Variants in ATP5PO observed in about 807,000 individuals in gnomAD.
ATP5PO encodes the protein ATP synthase peripheral stalk subunit OSCP.
In ATP5PO, 14 loss-of-function variants were observed where a neutral mutation model predicts 26.2. The observed-to-expected ratio is 0.53, with a 90% CI of 0.35 to 0.83. ATP5PO has a LOEUF of 0.83. Among genes scored for constraint, ATP5PO ranks in the 40% least tolerant of loss-of-function variants. The probability of loss-of-function intolerance (pLI) is 0.01; values close to 1 mark genes in which losing one functional copy is unlikely to be tolerated. For missense variants in ATP5PO, 241 were observed against 258.5 expected (o/e 0.93, Z 0.46); for synonymous variants, 106 against 95.1 (o/e 1.12, Z -0.67).
chr21:33,915,699 A>C, intron 1 of ATP5PO, 29 bp downstream of exon 1: 4 of 1,562,756 alleles, frequency 2.6e-6, no homozygotes, highest in Non-Finnish European at 2.6e-6. Flanking sequence ...GGATCCTCCC[A>C]CTGGCTCTCA....
intron 1 of ATP5PO, chr21:33,915,434 G>A (rs146211867): frequency 2.0e-4 from 94 of 481,400 alleles, no homozygotes; most frequent in African/African-American, 1.7e-3. Flanking sequence ...CCCTTCCCCG[G>A]AATTCAGCGA....
At chr21:33,915,438 T>C (rs1251661058) in intron 1 of ATP5PO, 2 of 484,466 alleles carry the variant, frequency 4.1e-6, no homozygotes, top group Non-Finnish European at 7.2e-6. Flanking sequence ...TCCCCGGAAT[T>C]CAGCGAAGGG....
chr21:33,914,649 T>C, intron 1 of ATP5PO, 149 bp from the exon 2 acceptor site: 1 of 668,334 alleles, frequency 1.5e-6, no homozygotes, highest in Non-Finnish European at 2.5e-6. Flanking sequence ...GTGAGCTACT[T>C]ACTATTACTA....
rs770154215 is a variant in ATP5PO, at chr21:33,903,543, T to G, written c.625A>C (p.Met209Leu). ...CAACACTTTTAGACAATCTCCCGCA[T>G]AGCCCTGCCCAGCTTCTGAATCTTG... is the stretch of plus-strand genomic sequence containing the variant. Reference protein sequence around the residue: ...KTKIQKLGRAMREIV With the variant: ...KTKIQKLGRALREIV The change falls in exon 7 of 7, where the codon ATG (methionine) becomes CTG (leucine). Residue 209 changes from methionine (M) to leucine (L), a missense_variant. Transcript: ENST00000290299. 3.1e-6 allele frequency: 5 copies of G among 1,613,674 alleles called. No homozygotes were observed. In the East Asian group the frequency reaches 1.1e-4, roughly 36 times the overall value.
chr21:33,904,259 C>T (rs1295156540), intron 5 of ATP5PO, among the ~76,000 whole-genome samples: 5 of 152,204 alleles, frequency 3.3e-5, no homozygotes, highest in African/African-American at 9.7e-5. Context: ...CGTTCAAGGA[C>T]GGCCTGTAAA....
At chr21:33,909,928 T>G (rs1395910603) in intron 3 of ATP5PO, among the ~76,000 whole-genome samples, 1 of 152,174 alleles carries the variant, frequency 6.6e-6, no homozygotes, top group Non-Finnish European at 1.5e-5. Flanking sequence ...ACCGCTCCCT[T>G]GGAGGGGCCC....
intron 3 of ATP5PO, among the ~76,000 whole-genome samples, chr21:33,910,483 T>C (rs1337915791): frequency 6.6e-6 from 1 of 152,180 alleles, no homozygotes; most frequent in African/African-American, 2.4e-5. Flanking sequence ...CCTGCTAATA[T>C]TCAGTGTCTT....
intron 1 of ATP5PO, 25 bp from the exon 2 acceptor site, chr21:33,914,525 A>G: frequency 6.2e-7 from 1 of 1,603,098 alleles, no homozygotes; most frequent in Non-Finnish European, 8.5e-7. Context: ...AGGAAAATAG[A>G]TCAAACAAAA....
At chr21:33,907,199 G>C (rs1987184477) in intron 5 of ATP5PO, 142 bp downstream of exon 5, 2 of 697,864 alleles carry the variant, frequency 2.9e-6, no homozygotes, top group Non-Finnish European at 4.8e-6. Flanking sequence ...CACAGAAGCT[G>C]ATATAAAAAT....
chr21:33,915,640 G>T, intron 1 of ATP5PO, 88 bp downstream of exon 1: 2 of 1,515,230 alleles, frequency 1.3e-6, no homozygotes, highest in Non-Finnish European at 1.8e-6. Context: ...TTCCCCAGCC[G>T]AAGCATCGCA....
intron 5 of ATP5PO, chr21:33,906,486 A>G: frequency 2.9e-6 from 1 of 340,418 alleles, no homozygotes; most frequent in Non-Finnish European, 5.8e-6. Context: ...ATCTCCCTGC[A>G]TTCGGTTTCC....
intron 4 of ATP5PO, 43 bp from the exon 5 acceptor site, chr21:33,907,496 A>G: frequency 6.5e-7 from 1 of 1,533,190 alleles, no homozygotes; most frequent in Non-Finnish European, 9.0e-7. Flanking sequence ...ACTCACCTGA[A>G]CAAGTTATTC....
At chr21:33,904,080 A>G (rs1354721704) in intron 5 of ATP5PO, 59 bp from the exon 6 acceptor site, 19 of 1,458,544 alleles carry the variant, frequency 1.3e-5, no homozygotes, top group Non-Finnish European at 1.7e-5. Flanking sequence ...TTCCAGAGTT[A>G]AAATACCCCA....
chr21:33,907,350 G>A lies in ATP5PO; in HGVS notation c.432C>T (p.Thr144=). 1 of 1,612,630 alleles carries A rather than the reference G, an allele frequency of 6.2e-7. No homozygotes were observed. The highest frequency in any genetic ancestry group is 8.5e-7 in the Non-Finnish European group (1 of 1,178,684). The change falls in exon 5 of 7, where the codon ACC becomes ACT. Residue 144 remains threonine, a synonymous_variant. Coordinates refer to ENST00000290299, the MANE Select transcript of ATP5PO (RefSeq NM_001697.3). The part of the protein sequence containing the change: ...VHRGEVPCTV[T]SASPLEEATL... ...ACAACCCGTTACTTACAGATGCAGA[G>A]GTCACTGTGCAAGGTACCTCTCCGC...
At position 33,912,399 on chromosome 21, in the gene ATP5PO, G is replaced by A; in HGVS notation, c.88C>T (p.Pro30Ser). 1.2e-6 allele frequency: 2 copies of A among 1,601,712 alleles called. No homozygotes were observed. The highest frequency in any genetic ancestry group is 1.1e-5 in the South Asian group (1 of 89,034). ...TCAATACCGTATACCTGAACAGGAG[G>A]CTTTAAAAAAAAGGTGAAATAGGAG... is the stretch of plus-strand genomic sequence containing the variant. ...VVRPFAKLVR[P>S]PVQVYGIEGR... The change falls in exon 3 of 7, where the codon CCT becomes TCT. Residue 30 changes from proline to serine, a missense_variant and splice_region_variant. This residue lies in a region of ATP5PO where 125 missense variants were observed against 108.5 expected (regional missense o/e 1.15). Coordinates refer to ENST00000290299, the MANE Select transcript of ATP5PO (RefSeq NM_001697.3).
At chr21:33,909,919 C>G (rs1987226571) in intron 3 of ATP5PO, among the ~76,000 whole-genome samples, 1 of 152,212 alleles carries the variant, frequency 6.6e-6, no homozygotes, top group South Asian at 2.1e-4. Context: ...GGCCTCCGCA[C>G]CGCTCCCTTG....
chr21:33,908,955 G>A (rs1987211310), intron 4 of ATP5PO, 127 bp downstream of exon 4: 10 of 1,079,402 alleles, frequency 9.3e-6, no homozygotes, highest in Non-Finnish European at 1.3e-5. Flanking sequence ...TCAGCAGGTT[G>A]CTGTGAGGCC....
intron 2 of ATP5PO, among the ~76,000 whole-genome samples, chr21:33,912,641 G>A (rs1987264228): frequency 6.6e-6 from 1 of 152,200 alleles, no homozygotes; most frequent in South Asian, 2.1e-4. Flanking sequence ...GAGGGGCTTA[G>A]TAGGCATTGT....
At chr21:33,911,662 G>GTTTTTTTTTTTTTTTTT (rs58774588) in intron 3 of ATP5PO, among the ~76,000 whole-genome samples, 1 of 92,080 alleles carries the variant, frequency 1.1e-5, no homozygotes, top group Non-Finnish European at 2.0e-5. Context: ...ATAAGCATAG[G>GTTTTTTTTTTTTTTTTT]TTTTTTTTTT....
Sources: allele counts gnomAD v4.1 joint callset (sites outside exome capture counted in the v4.1 genomes callset), GRCh38; gene constraint gnomAD v4.1.1; regional missense constraint gnomAD v4.1.1; transcripts MANE v1.5; gene names NCBI Gene and HGNC (gene_info 2026-07-23, HGNC 2026-07-21).